MRTFA: variants seen among roughly 807,000 people sequenced by gnomAD.
MRTFA encodes myocardin related transcription factor A, also known as myocardin-related transcription factor A.
MRTFA carries 20 observed loss-of-function variants against 83.5 expected under a neutral mutation model. The ratio of observed to expected loss-of-function variants is 0.24; its 90% CI spans 0.17 to 0.35. The LOEUF is 0.35. Among genes scored for constraint, MRTFA ranks in the 10% least tolerant of loss-of-function variants. The pLI is 1.00. For missense variants in MRTFA, 1,200 were observed against 1,224.7 expected, an observed-to-expected ratio of 0.98 and a Z score of 0.30; for synonymous variants, 659 against 541.2, an observed-to-expected ratio of 1.22 and a Z score of -3.02.
At chr22:40,442,951 C>T (rs1252757738) in intron 4 of MRTFA, among the ~76,000 whole-genome samples, 1 of 152,078 alleles carries the variant, frequency 6.6e-6, no homozygotes, top group Non-Finnish European at 1.5e-5. Flanking sequence ...GGGCCCACTC[C>T]ATTAAGAACT....
intron 1 of MRTFA, among the ~76,000 whole-genome samples, chr22:40,603,729 T>C (rs1168393070): frequency 6.6e-6 from 1 of 152,036 alleles, no homozygotes; most frequent in Non-Finnish European, 1.5e-5. Context: ...TGGAGTAATA[T>C]TAAACAAGAT....
chr22:40,507,377 GAAAC>G (rs988896604), intron 3 of MRTFA, among the ~76,000 whole-genome samples: 13 of 151,166 alleles, frequency 8.6e-5, no homozygotes, highest in African/African-American at 2.2e-4. Flanking sequence ...AAAAAAAAAA[GAAAC>G]AAACAAACTT....
chr22:40,441,511 G>A lies in MRTFA; in HGVS notation c.308-5957C>T, dbSNP rs1219443457. Among the ~76,000 whole-genome samples the A allele has an allele frequency of 5.3e-5, 8 of 152,274 alleles. 1 individual carries two copies. The highest frequency in any genetic ancestry group is 7.2e-5 in the African/African-American group (3 of 41,542). On this transcript the variant is annotated intron_variant, in intron 4 of 14. Coordinates refer to ENST00000355630, the MANE Select transcript of MRTFA (RefSeq NM_020831.6). ...ATACATACTGGCATCCAGGCTGGGC[G>A]CAGTGGCTCACGCCCGTAATCCCAG...
Position 40,559,705 on chromosome 22 carries a change from C to T in MRTFA, c.-21-7338G>A, listed in dbSNP as rs575194905. Among the ~76,000 whole-genome samples the T allele has an allele frequency of 3.3e-5, 5 of 152,264 alleles. No homozygotes were observed. The South Asian group carries it at 1.0e-3, about 32-fold the overall frequency. On this transcript the variant is annotated intron_variant, in intron 2 of 14. Coordinates refer to ENST00000355630, the MANE Select transcript of MRTFA (RefSeq NM_020831.6). ...TACAAGCGTGAGCCACCTTGCCTGACAGAACACATACATTTTTAATAGTTT... is the reference window on the plus strand; with the variant it reads ...TACAAGCGTGAGCCACCTTGCCTGATAGAACACATACATTTTTAATAGTTT...
chr22:40,477,674 T>G (rs1462614166), intron 3 of MRTFA, among the ~76,000 whole-genome samples: 1 of 151,794 alleles, frequency 6.6e-6, no homozygotes, highest in Non-Finnish European at 1.5e-5. Context: ...GTACCACACC[T>G]CCAACAAGAT....
chr22:40,422,948 G>A (rs1030432949), intron 9 of MRTFA, among the ~76,000 whole-genome samples: 3 of 152,218 alleles, frequency 2.0e-5, no homozygotes, highest in Non-Finnish European at 4.4e-5. Context: ...GTGTGGGGCT[G>A]GGGTCCCCGA....
chr22:40,539,850 T>G (rs1387311272), intron 3 of MRTFA, among the ~76,000 whole-genome samples: 2 of 152,046 alleles, frequency 1.3e-5, no homozygotes, highest in African/African-American at 4.8e-5. Context: ...ACACTTAAAT[T>G]TTATAAATTC....
At chr22:40,550,256 G>T (rs942579781) in intron 3 of MRTFA, among the ~76,000 whole-genome samples, 9 of 151,560 alleles carry the variant, frequency 5.9e-5, no homozygotes, top group African/African-American at 2.2e-4. Context: ...AAATCCCAAA[G>T]GGTTTTTTTG....
rs148171518 is a variant in MRTFA at position 40,426,136 on chromosome 22, C to T, written c.602-1755G>A. ...GGAGCTTAGATGTGTGGGGAAGACC[C>T]CAACCCCCATCAGCCCTTTTCTCAG... On this transcript the variant is annotated intron_variant, in intron 7 of 14. Transcript: ENST00000355630. Among the ~76,000 whole-genome samples the T allele has an allele frequency of 2.2e-3, 336 of 152,192 alleles. 3 individuals are homozygous for T. The highest frequency in any genetic ancestry group is 0.014 in the Middle Eastern group (4 of 294).
At chr22:40,586,759 G>A (rs572255901) in intron 2 of MRTFA, 89 of 317,576 alleles carry the variant, frequency 2.8e-4, no homozygotes, top group African/African-American at 1.9e-3. Context: ...TGATGTCTTG[G>A]TTGGTAGCTG....
intron 3 of MRTFA, chr22:40,519,746 TAA>T (rs1266216347): frequency 2.1e-6 from 1 of 485,576 alleles, no homozygotes. Flanking sequence ...TACAAACGCC[TAA>T]GAGCAAAGTC....
chr22:40,621,216 G>C (rs940696007), intron 1 of MRTFA, among the ~76,000 whole-genome samples: 1 of 151,040 alleles, frequency 6.6e-6, no homozygotes, highest in African/African-American at 2.4e-5. Context: ...AAGACTGAAA[G>C]ATGTTGGACT....
intron 3 of MRTFA, among the ~76,000 whole-genome samples, chr22:40,472,644 G>C (rs555785533): frequency 6.6e-6 from 1 of 152,170 alleles, no homozygotes; most frequent in African/African-American, 2.4e-5. Flanking sequence ...ACTTCTAGGA[G>C]GTGTCAACTC....
intron 2 of MRTFA, among the ~76,000 whole-genome samples, chr22:40,561,422 T>C (rs1040224331): frequency 2.7e-5 from 4 of 149,290 alleles, no homozygotes; most frequent in Admixed American, 6.8e-5. Context: ...ATCTGGGAGA[T>C]AGAGGTTGCA....
At position 40,521,303 on chromosome 22, in the gene MRTFA, C is replaced by T. The variant is rs545405321; in HGVS notation, c.241+30803G>A. ...GGCCCTGACAATATGAAGAACCAAT[C>T]TGTGCTTCATATCTATAATTTTGTC... On this transcript the variant is annotated intron_variant, in intron 3 of 14. Transcript: ENST00000355630. Among the ~76,000 whole-genome samples, 25 of 152,232 alleles carry T rather than the reference C, an allele frequency of 1.6e-4. No homozygotes were observed. The South Asian group carries it at 5.2e-3, about 32-fold the overall frequency.
intron 3 of MRTFA, among the ~76,000 whole-genome samples, chr22:40,474,987 T>C (rs2053968844): frequency 6.6e-6 from 1 of 151,976 alleles, no homozygotes; most frequent in Admixed American, 6.6e-5. Context: ...TACAGGTGTG[T>C]GCCACCACGC....
chr22:40,564,373 G>C (rs1313178369), intron 2 of MRTFA, among the ~76,000 whole-genome samples: 1 of 152,132 alleles, frequency 6.6e-6, no homozygotes, highest in African/African-American at 2.4e-5. Flanking sequence ...AGAATAGGAA[G>C]AGAATAACAG....
At chr22:40,561,272 A>C (rs1403902205) in intron 2 of MRTFA, among the ~76,000 whole-genome samples, 1 of 151,574 alleles carries the variant, frequency 6.6e-6, no homozygotes, top group Non-Finnish European at 1.5e-5. Flanking sequence ...CAACTGAACA[A>C]GTGTTTCCTG....
At chr22:40,548,350 C>T (rs1236537180) in intron 3 of MRTFA, among the ~76,000 whole-genome samples, 2 of 102,870 alleles carry the variant, frequency 1.9e-5, no homozygotes, top group African/African-American at 8.3e-5. Context: ...CAGAGCAAGA[C>T]TCCGTCTCAA....
Sources: allele counts gnomAD v4.1 joint callset (sites outside exome capture counted in the v4.1 genomes callset), GRCh38; gene constraint gnomAD v4.1.1; transcripts MANE v1.5; gene names NCBI Gene and HGNC (gene_info 2026-07-23, HGNC 2026-07-21).